The following NPHP4 variants were observed in gnomAD, a reference collection of about 807,000 sequenced individuals.
NPHP4 encodes the protein nephrocystin-4.
NPHP4 carries 151 observed loss-of-function variants against 155.8 expected under a neutral mutation model. The ratio of observed to expected loss-of-function variants is 0.97; its 90% CI spans 0.85 to 1.11. The LOEUF is 1.11. Ranked by LOEUF, NPHP4 falls within the 50% of genes least tolerant of loss-of-function variation. The pLI is 0.00. For missense variants in NPHP4, 1,956 were observed against 1,925.7 expected (o/e 1.02, Z -0.29); for synonymous variants, 845 against 816.8 (o/e 1.03, Z -0.59).
chr1:5,877,434 A>T (rs1363938976), intron 19 of NPHP4, 136 bp from the exon 20 acceptor site: 2 of 570,320 alleles, frequency 3.5e-6, no homozygotes, highest in African/African-American at 3.8e-5. Context: ...TTGCAGCTCC[A>T]ATCTGCAGAG....
At chr1:5,898,268 G>C (rs1644492546) in intron 16 of NPHP4, among the ~76,000 whole-genome samples, 1 of 152,230 alleles carries the variant, frequency 6.6e-6, no homozygotes. Flanking sequence ...AAAAAGGGTT[G>C]AAGGCACCAA....
chr1:5,880,285 A>T, intron 18 of NPHP4, 46 bp from the exon 19 acceptor site: 1 of 1,604,236 alleles, frequency 6.2e-7, no homozygotes, highest in Non-Finnish European at 8.5e-7. Context: ...CCAAATGAGA[A>T]TCTGATGAAA....
chr1:5,955,029 GAAAAA>G (rs1004499015), intron 6 of NPHP4, among the ~76,000 whole-genome samples: 1 of 131,966 alleles, frequency 7.6e-6, no homozygotes, highest in African/African-American at 2.8e-5. Flanking sequence ...CAACTCAACA[GAAAAA>G]AAAAAAAACT....
chr1:5,989,880 C>A (rs1570780601), intron 1 of NPHP4, among the ~76,000 whole-genome samples: 1 of 152,204 alleles, frequency 6.6e-6, no homozygotes, highest in South Asian at 2.1e-4. Flanking sequence ...ATGCCGGCCC[C>A]CTGCTGTACT....
rs2100893924 is a variant in NPHP4 at position 5,889,324 on chromosome 1, T to A, written c.2304+1544A>T. 6.6e-6 allele frequency among the ~76,000 whole-genome samples: 1 copy of A among 152,308 alleles called. No homozygotes were observed. The highest frequency in any genetic ancestry group is 1.5e-5 in the Non-Finnish European group (1 of 68,034). ...AACCTAACTCTCCCAGGATCTGGAG[T>A]CCAGAGGATTCTCTCTGATCATCTC... On this transcript the variant is annotated intron_variant, in intron 17 of 29. Coordinates refer to ENST00000378156, the MANE Select transcript of NPHP4 (RefSeq NM_015102.5). The surrounding 1 kb of genome is among the most constrained non-coding windows in gnomAD (Gnocchi z 4.2).
rs1445864924 is a variant in NPHP4 at position 5,875,096 on chromosome 1, T to A, written c.2822A>T (p.Gln941Leu). The change falls in exon 21 of 30, where the codon CAG becomes CTG. Residue 941 changes from glutamine (Q) to leucine (L), a missense_variant. Coordinates refer to ENST00000378156, the MANE Select transcript of NPHP4 (RefSeq NM_015102.5). ...CAAGTGCTGTGTGCGGACGCTCTGC[T>A]GCGCCTGCAGACAAGAGGACATGGG... ...LGRRGTSVLA[Q>L]QSVRTQHLRD... The A allele has an allele frequency of 6.3e-7, 1 of 1,599,946 alleles. No homozygotes were observed. Among genetic ancestry groups the A allele is most frequent in the Non-Finnish European group, 8.5e-7 (1 of 1,176,890 alleles).
At position 5,964,937 on chromosome 1, in the gene NPHP4, A is replaced by ATTTT. The variant is rs1400602210; in HGVS notation, c.517+2361_517+2362insAAAA. On this transcript the variant is annotated intron_variant, in intron 5 of 29. Transcript: ENST00000378156. ...ATATATTATATATATATATATATAT[A>ATTTT]TATATTTTTTTTTTTTGAGGCAGGG... Among the ~76,000 whole-genome samples, 130 of 54,890 alleles carry ATTTT rather than the reference A, an allele frequency of 2.4e-3. 5 individuals carry two copies. Among genetic ancestry groups the ATTTT allele is most frequent in the African/African-American group, 9.5e-3 (102 of 10,762 alleles). 36.0% of individuals were successfully genotyped at this position (54,890 alleles called of 152,430 possible). A position where few individuals can be genotyped will look rare whatever the true frequency, so the allele number is the denominator to read the frequency against.
chr1:5,970,048 GC>G (rs1652285635), intron 3 of NPHP4, among the ~76,000 whole-genome samples: 1 of 152,172 alleles, frequency 6.6e-6, no homozygotes, highest in African/African-American at 2.4e-5. Context: ...CTCTGCCTCC[GC>G]CTTCCTGCCA....
chr1:5,938,095 C>G (rs778361425), intron 9 of NPHP4, among the ~76,000 whole-genome samples: 2 of 152,236 alleles, frequency 1.3e-5, no homozygotes, highest in Non-Finnish European at 2.9e-5. Context: ...GACCCAGGAG[C>G]ATCCTTGGAG....
At position 5,934,701 on chromosome 1, in the gene NPHP4, C is replaced by T. The variant is rs147205900; in HGVS notation, c.1120-1372G>A. 3.6e-3 allele frequency among the ~76,000 whole-genome samples: 547 copies of T among 152,308 alleles called. 4 individuals are homozygous for T. Among genetic ancestry groups the T allele is most frequent in the African/African-American group, 0.013 (526 of 41,560 alleles). On this transcript the variant is annotated intron_variant, in intron 9 of 29. Transcript: ENST00000378156. ...GCATGAACCCAGGCAGCATCGCAAGCGCAGCCATGGTCACAGCGAGGAGGT... is the reference window on the plus strand; with the variant it reads ...GCATGAACCCAGGCAGCATCGCAAGTGCAGCCATGGTCACAGCGAGGAGGT...
At chr1:5,935,178 A>G (rs1233796668) in intron 9 of NPHP4, among the ~76,000 whole-genome samples, 1 of 152,206 alleles carries the variant, frequency 6.6e-6, no homozygotes, top group Non-Finnish European at 1.5e-5. Flanking sequence ...CCATCCTGTT[A>G]TATCCTAATA....
rs369624442 is a variant in NPHP4 at position 5,875,052 on chromosome 1, C to T, written c.2866G>A (p.Ala956Thr). The T allele has an allele frequency of 5.2e-5, 83 of 1,608,090 alleles. No homozygotes were observed. Among genetic ancestry groups the T allele is most frequent in the African/African-American group, 4.9e-4 (37 of 75,036 alleles). Reference sequence around the variant, plus strand: ...GCCTTCGTGCGTTCCCGGTAGGCGGCGATGACCTGTAGGTCCCGCAAGTGC... The same window carrying T: ...GCCTTCGTGCGTTCCCGGTAGGCGGTGATGACCTGTAGGTCCCGCAAGTGC... ...TQHLRDLQVI[A>T]AYRERTKAES... The change falls in exon 21 of 30, where the codon GCC (alanine) becomes ACC (threonine). Residue 956 changes from alanine (A) to threonine (T), a missense_variant. Transcript: ENST00000378156.
At chr1:5,871,062 G>A (rs1420910110) in intron 23 of NPHP4, among the ~76,000 whole-genome samples, 1 of 152,212 alleles carries the variant, frequency 6.6e-6, no homozygotes, top group Non-Finnish European at 1.5e-5. Flanking sequence ...AGCTCGAAGT[G>A]TCATGGAGTA....
At chr1:5,987,378 AG>A in intron 1 of NPHP4, among the ~76,000 whole-genome samples, 1 of 152,122 alleles carries the variant, frequency 6.6e-6, no homozygotes, top group East Asian at 1.9e-4. Flanking sequence ...CCCAAACCCA[AG>A]GTTCAACAGG....
At chr1:5,952,042 C>T (rs1375971977) in intron 7 of NPHP4, among the ~76,000 whole-genome samples, 5 of 152,228 alleles carry the variant, frequency 3.3e-5, no homozygotes, top group South Asian at 4.1e-4. Context: ...GCCCTCCAGA[C>T]GCCCTGCCTG....
At chr1:5,886,532 C>T (rs1212578256) in intron 18 of NPHP4, 2 of 152,192 alleles carry the variant, frequency 1.3e-5, no homozygotes, top group African/African-American at 2.4e-5. Context: ...ATTGTGTTTT[C>T]AATTCTGCCC....
At chr1:5,976,384 C>T (rs1377740948) in intron 3 of NPHP4, among the ~76,000 whole-genome samples, 2 of 152,218 alleles carry the variant, frequency 1.3e-5, no homozygotes, top group African/African-American at 4.8e-5. Flanking sequence ...CACCACCCGC[C>T]GCATGGCTGT....
chr1:5,956,015 T>C (rs1208855337), intron 6 of NPHP4, among the ~76,000 whole-genome samples: 1 of 132,490 alleles, frequency 7.5e-6, no homozygotes, highest in Non-Finnish European at 1.6e-5. Context: ...ATATATACAA[T>C]TACAGTAAGC....
intron 6 of NPHP4, among the ~76,000 whole-genome samples, chr1:5,953,240 C>T (rs6691632): frequency 2.0e-4 from 30 of 152,222 alleles, no homozygotes; most frequent in African/African-American, 7.0e-4. Context: ...CAAGTAGCTG[C>T]GATTACAGGT....
Sources: allele counts gnomAD v4.1 joint callset (sites outside exome capture counted in the v4.1 genomes callset), GRCh38; gene constraint gnomAD v4.1.1; non-coding constraint Gnocchi (gnomAD v3.1); transcripts MANE v1.5; gene names NCBI Gene and HGNC (gene_info 2026-07-23, HGNC 2026-07-21).